Variants in CMTM4 observed in about 807,000 individuals in gnomAD.
The protein encoded by CMTM4 is CKLF-like MARVEL transmembrane domain-containing protein 4.
In CMTM4, 8 loss-of-function variants were observed where a neutral mutation model predicts 19.0. The observed-to-expected ratio is 0.42, with a 90% CI of 0.25 to 0.76. The LOEUF is 0.76. Ranked by LOEUF, CMTM4 falls within the 30% of genes least tolerant of loss-of-function variation. CMTM4 has a pLI of 0.27. For synonymous variants in CMTM4, 106 were observed against 121.1 expected (o/e 0.88, Z 0.82); for missense variants, 228 against 290.2 (o/e 0.79, Z 1.56).
At chr16:66,665,935 C>G (rs1283938828) in intron 1 of CMTM4, among the ~76,000 whole-genome samples, 1 of 151,102 alleles carries the variant, frequency 6.6e-6, no homozygotes, top group Non-Finnish European at 1.5e-5. Context: ...AGCAGGGCAT[C>G]ATGGCACACA....
intron 1 of CMTM4, among the ~76,000 whole-genome samples, chr16:66,674,463 G>A (rs1424267097): frequency 5.3e-5 from 8 of 152,090 alleles, no homozygotes; most frequent in Admixed American, 2.0e-4. Flanking sequence ...CAACTACAGC[G>A]GAAATTCTAA....
intron 3 of CMTM4, 81 bp downstream of exon 3, chr16:66,623,309 CCACAGGAGGGGGAG>C: frequency 1.2e-6 from 1 of 823,830 alleles, no homozygotes; most frequent in Non-Finnish European, 1.9e-6. Context: ...CAAAGAAAAG[CCACAGGAGGGGGAG>C]CAGGACACAT....
rs370514063 is a variant in CMTM4, at chr16:66,615,047, G to A, written c.*7011C>T. ...CCAAAAGCCAGGCCAGCCAGGGGACGCCCACCCAGGGCTTCCACGTCAGCT... is the reference window on the plus strand; with the variant it reads ...CCAAAAGCCAGGCCAGCCAGGGGACACCCACCCAGGGCTTCCACGTCAGCT... On this transcript the variant is annotated 3_prime_UTR_variant, in exon 4 of 4. Coordinates refer to ENST00000394106, the MANE Select transcript of CMTM4 (RefSeq NM_181521.3). The surrounding 1 kb of genome is among the most constrained non-coding windows in gnomAD (Gnocchi z 4.9). The A allele has an allele frequency of 2.0e-5, 3 of 152,348 alleles. No homozygotes were observed. Among genetic ancestry groups the A allele is most frequent in the Admixed American group, 6.5e-5 (1 of 15,304 alleles). 9.4% of individuals were successfully genotyped at this position (152,348 alleles called of 1,614,324 possible).
At chr16:66,600,805 C>T in the CMTM4 span, among the ~76,000 whole-genome samples, 1 of 152,162 alleles carries the variant, frequency 6.6e-6, no homozygotes, top group Non-Finnish European at 1.5e-5. Flanking sequence ...CTAGGCACTG[C>T]TGTTGGATGA....
the CMTM4 span, chr16:66,604,982 G>A: frequency 2.4e-5 from 35 of 1,450,262 alleles, no homozygotes; most frequent in Non-Finnish European, 3.0e-5. Flanking sequence ...CGGCCGCCCC[G>A]CTAGGACTGC....
At chr16:66,671,174 T>A (rs1482257683) in intron 1 of CMTM4, among the ~76,000 whole-genome samples, 1 of 152,166 alleles carries the variant, frequency 6.6e-6, no homozygotes, top group African/African-American at 2.4e-5. Context: ...TTTGTAAGCC[T>A]CATACAGTAC....
chr16:66,614,894 G>A lies in CMTM4; in HGVS notation c.*7164C>T, dbSNP rs1731905758. The A allele has an allele frequency of 6.6e-6, 1 of 152,210 alleles. No homozygotes were observed. The highest frequency in any genetic ancestry group is 6.5e-5 in the Admixed American group (1 of 15,286). The allele number at this position is 152,210 out of a possible 1,614,324, so 9.4% of individuals were successfully genotyped here. A position where few individuals can be genotyped will look rare whatever the true frequency, so the allele number is the denominator to read the frequency against. On this transcript the variant is annotated 3_prime_UTR_variant, in exon 4 of 4. Transcript: ENST00000394106. The surrounding 1 kb of genome is among the most constrained non-coding windows in gnomAD (Gnocchi z 4.9). ...TGAAAAAGATCAAGACAAGTACCAT[G>A]AAAAACTGGTCCTTCAAATGAAAGG... is the stretch of plus-strand genomic sequence containing the variant.
At chr16:66,653,545 T>C (rs1196421548) in intron 1 of CMTM4, among the ~76,000 whole-genome samples, 1 of 152,164 alleles carries the variant, frequency 6.6e-6, no homozygotes, top group Non-Finnish European at 1.5e-5. Flanking sequence ...GTGGTTATAA[T>C]GGTGTCCCCA....
intron 1 of CMTM4, among the ~76,000 whole-genome samples, chr16:66,690,564 C>T (rs1017509877): frequency 1.3e-5 from 2 of 152,202 alleles, no homozygotes; most frequent in African/African-American, 4.8e-5. Context: ...ATTGTGCTGA[C>T]TGGCTTGAGA....
At chr16:66,653,907 A>G (rs1567417928) in intron 1 of CMTM4, among the ~76,000 whole-genome samples, 1 of 151,624 alleles carries the variant, frequency 6.6e-6, no homozygotes, top group African/African-American at 2.4e-5. Flanking sequence ...GCTAATTTTT[A>G]TGTGTTTTTT....
intron 1 of CMTM4, among the ~76,000 whole-genome samples, chr16:66,664,367 G>A (rs1286877626): frequency 6.6e-6 from 1 of 152,104 alleles, no homozygotes; most frequent in Non-Finnish European, 1.5e-5. Context: ...TGGAATATCA[G>A]TAGTGAAAGA....
In CMTM4 at chr16:66,621,437, G is replaced by A; in HGVS notation, c.*621C>T. The A allele has an allele frequency of 1.0e-6, 1 of 985,918 alleles. No individual in the cohort carries two copies. The allele number at this position is 985,918 out of a possible 1,614,324, so 61.1% of individuals were successfully genotyped here. Reference sequence around the variant, plus strand: ...TCAGGAAGGTGATTCATTTGAGGAAGAATCAAGTGATTTCTCAGCAGAGTA... The same window carrying A: ...TCAGGAAGGTGATTCATTTGAGGAAAAATCAAGTGATTTCTCAGCAGAGTA... On this transcript the variant is annotated 3_prime_UTR_variant, in exon 4 of 4. Coordinates refer to ENST00000394106, the MANE Select transcript of CMTM4 (RefSeq NM_181521.3).
chr16:66,608,516 TGAG>T, the CMTM4 span: 1 of 1,591,192 alleles, frequency 6.3e-7, no homozygotes, highest in Non-Finnish European at 8.6e-7. This position sits in a 1 kb window ranked among gnomAD's most constrained non-coding sequence, Gnocchi z 5.1. Context: ...AGTGGCCAGA[TGAG>T]GAGTCCAGAG....
intron 2 of CMTM4, among the ~76,000 whole-genome samples, chr16:66,631,613 G>T (rs559512578): frequency 3.3e-4 from 51 of 152,258 alleles, no homozygotes; most frequent in African/African-American, 1.2e-3. Flanking sequence ...TTGGGATCCT[G>T]TTGATCTATG....
At position 66,696,272 on chromosome 16, in the gene CMTM4, A is replaced by T; in HGVS notation, c.186+68T>A. The T allele has an allele frequency of 8.9e-7, 1 of 1,119,274 alleles. No homozygotes were observed. Among genetic ancestry groups the T allele is most frequent in the Non-Finnish European group, 1.1e-6 (1 of 877,458 alleles). 69.3% of individuals were successfully genotyped at this position (1,119,274 alleles called of 1,614,324 possible). On this transcript the variant is annotated intron_variant, in intron 1 of 3. Transcript: ENST00000394106. The surrounding 1 kb of genome is among the most constrained non-coding windows in gnomAD (Gnocchi z 4.3). Reference sequence around the variant, plus strand: ...AGCGGGTACGCGGCGGAGGCCCCGCAGCGGGGCGGGGAGGGAGGCGTGCGG... The same window carrying T: ...AGCGGGTACGCGGCGGAGGCCCCGCTGCGGGGCGGGGAGGGAGGCGTGCGG...
intron 2 of CMTM4, among the ~76,000 whole-genome samples, chr16:66,631,784 C>CA (rs1261270693): frequency 6.6e-6 from 1 of 152,210 alleles, no homozygotes; most frequent in Non-Finnish European, 1.5e-5. Flanking sequence ...CCCAGGGACA[C>CA]AAACACTGCG....
the CMTM4 span, among the ~76,000 whole-genome samples, chr16:66,602,482 A>T: frequency 3.3e-5 from 5 of 150,032 alleles, no homozygotes; most frequent in South Asian, 1.0e-3. Context: ...ACCCAAGGGT[A>T]AAAAAAAACA....
At chr16:66,694,498 A>C (rs895637973) in intron 1 of CMTM4, among the ~76,000 whole-genome samples, 26 of 152,006 alleles carry the variant, frequency 1.7e-4, no homozygotes, top group South Asian at 2.1e-4. Flanking sequence ...TCATAAGGTA[A>C]GGAGTTCGAG....
At chr16:66,656,515 C>T (rs932468267) in intron 1 of CMTM4, among the ~76,000 whole-genome samples, 1 of 152,074 alleles carries the variant, frequency 6.6e-6, no homozygotes, top group East Asian at 1.9e-4. Context: ...AGGCATGCCC[C>T]ACAGAACCCA....
Sources: allele counts gnomAD v4.1 joint callset (sites outside exome capture counted in the v4.1 genomes callset), GRCh38; gene constraint gnomAD v4.1.1; non-coding constraint Gnocchi (gnomAD v3.1); transcripts MANE v1.5; gene names NCBI Gene and HGNC (gene_info 2026-07-23, HGNC 2026-07-21).